EZH2: variants seen among roughly 807,000 people sequenced by gnomAD.
EZH2 encodes the protein histone-lysine N-methyltransferase EZH2.
A neutral mutation model predicts 98.4 loss-of-function variants in EZH2; 18 were observed. The observed-to-expected ratio is 0.18, with a 90% confidence interval of 0.13 to 0.27. The LOEUF is 0.27. EZH2 is among the 10% of genes least tolerant of loss of function. The probability of loss-of-function intolerance (pLI) is 1.00; values close to 1 mark genes in which losing one functional copy is unlikely to be tolerated. For missense variants in EZH2, 470 were observed against 935.1 expected (o/e 0.50, Z 6.49); for synonymous variants, 338 against 312.3 (o/e 1.08, Z -0.87).
In EZH2 at chr7:148,867,196, G is replaced by A. The variant is rs552888331; in HGVS notation, c.-8+16968C>T. ...ACAAAATTAGCTAGGCATGGTGGTA[G>A]GCAACTGTAATCCCAGCTACTCGGG... On this transcript the variant is annotated intron_variant, in intron 1 of 19. Coordinates refer to ENST00000320356, the MANE Select transcript of EZH2 (RefSeq NM_004456.5). 2.6e-5 allele frequency among the ~76,000 whole-genome samples: 4 copies of A among 151,968 alleles called. No individual in the cohort carries two copies. In the East Asian group the frequency reaches 7.8e-4, roughly 30 times the overall value.
At chr7:148,862,907 G>T (rs1200353078) in intron 1 of EZH2, among the ~76,000 whole-genome samples, 1 of 145,130 alleles carries the variant, frequency 6.9e-6, no homozygotes, top group African/African-American at 2.6e-5. Flanking sequence ...TTTTTTGTTT[G>T]TTTTTGTTTT....
intron 1 of EZH2, among the ~76,000 whole-genome samples, chr7:148,849,028 A>G (rs1814958084): frequency 6.6e-6 from 1 of 152,142 alleles, no homozygotes; most frequent in Admixed American, 6.5e-5. Flanking sequence ...TGCCATGTAA[A>G]TAGTTGTTAT....
intron 1 of EZH2, among the ~76,000 whole-genome samples, chr7:148,872,287 A>C (rs899700301): frequency 6.6e-6 from 1 of 152,224 alleles, no homozygotes; most frequent in Non-Finnish European, 1.5e-5. Flanking sequence ...AACAGTCAAA[A>C]ATCATGGAAA....
At chr7:148,879,729 G>T (rs748016166) in intron 1 of EZH2, among the ~76,000 whole-genome samples, 1 of 151,842 alleles carries the variant, frequency 6.6e-6, no homozygotes, top group South Asian at 2.1e-4. Flanking sequence ...TAAATTAGCC[G>T]AGCGTGGTGG....
chr7:148,880,417 CCT>C (rs1213841745), intron 1 of EZH2, among the ~76,000 whole-genome samples: 24 of 152,108 alleles, frequency 1.6e-4, no homozygotes, highest in African/African-American at 5.8e-4. Context: ...GATCTACTAC[CCT>C]CTCTCGCCCT....
chr7:148,865,111 A>C lies in EZH2; in HGVS notation c.-7-17806T>G, dbSNP rs1818254177. 2.0e-5 allele frequency among the ~76,000 whole-genome samples: 3 copies of C among 148,202 alleles called. No homozygotes were observed. In the South Asian group the frequency reaches 6.4e-4, roughly 32 times the overall value. On this transcript the variant is annotated intron_variant, in intron 1 of 19. Transcript: ENST00000320356. ...CACTGCTCTTCAGCCTGGGTGACAG[A>C]GCGAGACTTGTCTCAAAAAAAAAAA...
chr7:148,808,990 C>A, intron 19 of EZH2, 81 bp downstream of exon 19: 1 of 1,166,112 alleles, frequency 8.6e-7, no homozygotes, highest in Non-Finnish European at 1.3e-6. Context: ...AAGCAAAGAA[C>A]TAAAAACCCT....
intron 1 of EZH2, among the ~76,000 whole-genome samples, chr7:148,857,042 A>G (rs1318835418): frequency 1.3e-5 from 2 of 152,260 alleles, no homozygotes; most frequent in African/African-American, 4.8e-5. Flanking sequence ...TACTGCTGTC[A>G]TTATGTACTC....
Position 148,807,616 on chromosome 7 carries a change from T to TA in EZH2, c.*29_*30insT. On this transcript the variant is annotated 3_prime_UTR_variant, in exon 20 of 20. Coordinates refer to ENST00000320356, the MANE Select transcript of EZH2 (RefSeq NM_004456.5). ...AGGTTCCTGAAGCTAAGGCAGCTGT[T>TA]TCAGAGGAGGGGGGAGGAGGTAGCA... The TA allele has an allele frequency of 6.7e-7, 1 of 1,486,938 alleles. No homozygotes were observed. The highest frequency in any genetic ancestry group is 8.9e-7 in the Non-Finnish European group (1 of 1,124,478). 92.1% of individuals were successfully genotyped at this position (1,486,938 alleles called of 1,614,324 possible). A position where few individuals can be genotyped will look rare whatever the true frequency, so the allele number is the denominator to read the frequency against.
At chr7:148,855,637 C>T (rs1563047916) in intron 1 of EZH2, among the ~76,000 whole-genome samples, 2 of 152,158 alleles carry the variant, frequency 1.3e-5, no homozygotes, top group Admixed American at 6.5e-5. Flanking sequence ...CTGTGGCTCC[C>T]GCCTGTAATC....
intron 14 of EZH2, 21 bp downstream of exon 14, chr7:148,814,893 A>G (rs751071940): frequency 3.1e-6 from 5 of 1,608,838 alleles, no homozygotes; most frequent in Middle Eastern, 2.2e-4. Flanking sequence ...ATGCAATTGC[A>G]TCAAAGCAAC....
At chr7:148,883,271 A>G (rs1295841753) in intron 1 of EZH2, 1 of 152,292 alleles carries the variant, frequency 6.6e-6, no homozygotes, top group Non-Finnish European at 1.5e-5. Flanking sequence ...CCTGTGGCAC[A>G]GATTTTTGGG....
chr7:148,817,865 G>T lies in EZH2; in HGVS notation c.1240+12C>A. The T allele has an allele frequency of 6.2e-7, 1 of 1,614,140 alleles. No homozygotes were observed. Among genetic ancestry groups the T allele is most frequent in the Non-Finnish European group, 8.5e-7 (1 of 1,180,014 alleles). On this transcript the variant is annotated intron_variant, in intron 10 of 19. Coordinates refer to ENST00000320356, the MANE Select transcript of EZH2 (RefSeq NM_004456.5). ...ACAGAACAGTAAAACCCAGTTATTA[G>T]ACGTGTCTTACCAGAGGAGCTCGAA...
At chr7:148,865,879 T>C (rs1274088232) in intron 1 of EZH2, among the ~76,000 whole-genome samples, 2 of 152,216 alleles carry the variant, frequency 1.3e-5, no homozygotes, top group Non-Finnish European at 1.5e-5. Flanking sequence ...AACCATTATC[T>C]AGTAATTTCA....
At chr7:148,877,025 G>C (rs1481320732) in intron 1 of EZH2, among the ~76,000 whole-genome samples, 1 of 151,852 alleles carries the variant, frequency 6.6e-6, no homozygotes, top group Non-Finnish European at 1.5e-5. Flanking sequence ...ACTTAGAAGA[G>C]TACCAAGCAT....
intron 1 of EZH2, among the ~76,000 whole-genome samples, chr7:148,865,344 A>G (rs1286536800): frequency 6.6e-6 from 1 of 152,214 alleles, no homozygotes; most frequent in African/African-American, 2.4e-5. Flanking sequence ...TAACTTACAC[A>G]AATCTAACAT....
intron 1 of EZH2, among the ~76,000 whole-genome samples, chr7:148,878,082 A>G (rs923884562): frequency 1.3e-5 from 2 of 152,188 alleles, no homozygotes; most frequent in Non-Finnish European, 2.9e-5. Context: ...AGATATATAG[A>G]TATAGAGAGA....
intron 4 of EZH2, 39 bp downstream of exon 4, chr7:148,832,595 G>T: frequency 9.3e-7 from 1 of 1,072,708 alleles, no homozygotes; most frequent in South Asian, 1.5e-5. Flanking sequence ...CTTCAAATAA[G>T]TTATTATCAA....
chr7:148,857,098 T>C (rs1040137754), intron 1 of EZH2, among the ~76,000 whole-genome samples: 19 of 152,380 alleles, frequency 1.2e-4, no homozygotes, highest in African/African-American at 4.6e-4. Context: ...TGTGGTATCC[T>C]TCCCCCAGAC....
Sources: allele counts gnomAD v4.1 joint callset (sites outside exome capture counted in the v4.1 genomes callset), GRCh38; gene constraint gnomAD v4.1.1; transcripts MANE v1.5; gene names NCBI Gene and HGNC (gene_info 2026-07-23, HGNC 2026-07-21).